TRAK1: variants seen among roughly 807,000 people sequenced by gnomAD.
TRAK1 encodes the protein trafficking kinesin protein 1.
TRAK1 carries 33 observed loss-of-function variants against 92.1 expected under a neutral mutation model. The ratio of observed to expected loss-of-function variants is 0.36; its 90% CI spans 0.27 to 0.48. The LOEUF is 0.48. Among genes scored for constraint, TRAK1 ranks in the 20% least tolerant of loss-of-function variants. The pLI, the probability that TRAK1 is intolerant of heterozygous loss-of-function variation, is 0.99. For missense variants in TRAK1, 1,123 were observed against 1,257.9 expected, an observed-to-expected ratio of 0.89 and a Z score of 1.62; for synonymous variants, 521 against 517.3, an observed-to-expected ratio of 1.01 and a Z score of -0.10.
At chr3:42,142,601 A>C (rs973201508) in intron 2 of TRAK1, among the ~76,000 whole-genome samples, 1 of 152,198 alleles carries the variant, frequency 6.6e-6, no homozygotes, top group Non-Finnish European at 1.5e-5. Context: ...GAGCCATCCT[A>C]CTTAGAGACA....
At chr3:42,028,481 A>T (rs1395241762) in intron 1 of TRAK1, among the ~76,000 whole-genome samples, 1 of 152,206 alleles carries the variant, frequency 6.6e-6, no homozygotes, top group Admixed American at 6.5e-5. Context: ...CCAATGTAGT[A>T]ATAGATGTAG....
chr3:42,209,079 G>A (rs3733051), intron 13 of TRAK1, among the ~76,000 whole-genome samples: 49,098 of 151,970 alleles, frequency 0.32, 8,241 homozygotes, highest in East Asian at 0.47. Context: ...GAGAAGATGG[G>A]CTCCCCTGCT....
intron 10 of TRAK1, among the ~76,000 whole-genome samples, chr3:42,197,037 CACGTT>C (rs1706813361): frequency 3.4e-5 from 5 of 145,992 alleles, no homozygotes; most frequent in Admixed American, 3.4e-4. Context: ...CACACACACA[CACGTT>C]GTTATATTGA....
chr3:42,107,287 G>A (rs1241523754), intron 1 of TRAK1, among the ~76,000 whole-genome samples: 10 of 152,114 alleles, frequency 6.6e-5, no homozygotes, highest in South Asian at 2.1e-4. Context: ...AGGCCAAGGC[G>A]GGCGGATCAT....
At chr3:42,017,008 C>G (rs1338719658) in intron 1 of TRAK1, among the ~76,000 whole-genome samples, 1 of 152,134 alleles carries the variant, frequency 6.6e-6, no homozygotes, top group African/African-American at 2.4e-5. Context: ...ACCTGTAATC[C>G]TAGCACTTTG....
intron 1 of TRAK1, among the ~76,000 whole-genome samples, chr3:42,097,916 T>G (rs1706171530): frequency 6.6e-6 from 1 of 152,238 alleles, no homozygotes; most frequent in South Asian, 2.1e-4. Context: ...CCTTGTAAAC[T>G]GCTGTGATAC....
intron 3 of TRAK1, among the ~76,000 whole-genome samples, chr3:42,180,530 A>C (rs1009325599): frequency 3.3e-5 from 5 of 152,084 alleles, no homozygotes; most frequent in Non-Finnish European, 7.3e-5. Flanking sequence ...CATTCCAAAA[A>C]TTAGATAGGC....
chr3:42,048,712 C>T (rs1167947764), intron 1 of TRAK1, among the ~76,000 whole-genome samples: 1 of 152,020 alleles, frequency 6.6e-6, no homozygotes, highest in Non-Finnish European at 1.5e-5. Context: ...CAGGCGCACA[C>T]CAGCACACCC....
rs760745873 is a variant in TRAK1, at chr3:42,184,709, G to A, written c.388G>A (p.Ala130Thr). 2.5e-6 allele frequency: 4 copies of A among 1,614,030 alleles called. No homozygotes were observed. The highest frequency in any genetic ancestry group is 1.3e-5 in the African/African-American group (1 of 75,040). ...GAAAGAGCGGGATTTAGAATTGGCC[G>A]CTCGCATCGGCCAGTCGTTGTTGAA... ...EEKERDLELA[A>T]RIGQSLLKKN... Residue 130 changes from alanine (A) to threonine (T), a missense_variant, in exon 4 of 16, where the codon GCT becomes ACT. This residue lies in a region of TRAK1 where 686 missense variants were observed against 747.6 expected (regional missense o/e 0.92). Transcript: ENST00000327628.
intron 1 of TRAK1, among the ~76,000 whole-genome samples, chr3:42,020,449 A>G (rs868274900): frequency 9.9e-5 from 15 of 152,178 alleles, no homozygotes; most frequent in African/African-American, 3.6e-4. Flanking sequence ...TTTGTCTGCA[A>G]TGTTCATCCA....
intron 2 of TRAK1, among the ~76,000 whole-genome samples, chr3:42,168,713 A>G (rs1702172534): frequency 6.6e-6 from 1 of 151,998 alleles, no homozygotes; most frequent in Admixed American, 6.6e-5. Flanking sequence ...AGCTAGGACT[A>G]TAGGCATGCC....
chr3:42,100,537 G>A (rs925523016), intron 1 of TRAK1, among the ~76,000 whole-genome samples: 4 of 152,136 alleles, frequency 2.6e-5, no homozygotes, highest in African/African-American at 4.8e-5. Context: ...TGTAAGGGAC[G>A]GTGTCATTAT....
chr3:42,067,368 T>C (rs1171780134), intron 1 of TRAK1, among the ~76,000 whole-genome samples: 2 of 152,218 alleles, frequency 1.3e-5, no homozygotes, highest in African/African-American at 2.4e-5. Flanking sequence ...GCTAAGTGGC[T>C]GTGTCCGGGC....
chr3:42,149,307 C>G, intron 2 of TRAK1: 1 of 1,412,934 alleles, frequency 7.1e-7, no homozygotes, highest in Non-Finnish European at 9.2e-7. Context: ...TGCAAATTGC[C>G]TTCCTTTCTG....
chr3:42,130,367 C>T (rs1697034501), intron 2 of TRAK1, among the ~76,000 whole-genome samples: 1 of 140,934 alleles, frequency 7.1e-6, no homozygotes, highest in Non-Finnish European at 1.5e-5. Context: ...GCAGACCACC[C>T]TCCCTGAGTT....
intron 1 of TRAK1, among the ~76,000 whole-genome samples, chr3:42,098,468 G>A (rs1035570100): frequency 1.3e-5 from 2 of 152,140 alleles, no homozygotes; most frequent in Admixed American, 6.6e-5. Context: ...TTATTAGCTG[G>A]AGTTAAATGG....
chr3:42,224,505 T>A lies in TRAK1; in HGVS notation c.*768T>A, dbSNP rs1462684057. On this transcript the variant is annotated 3_prime_UTR_variant, in exon 16 of 16. Transcript: ENST00000327628. ...GATTTGTTTTATTTTTCCTTTTTTT[T>A]ACATATATATGCAGGGAAGTAATGG... 6.0e-6 allele frequency: 1 copy of A among 168,054 alleles called. No individual in the cohort carries two copies. Among genetic ancestry groups the A allele is most frequent in the African/African-American group, 2.4e-5 (1 of 41,522 alleles). The allele number at this position is 168,054 out of a possible 1,614,324, so 10.4% of individuals were successfully genotyped here.
At chr3:42,058,955 A>G (rs1031030016) in intron 1 of TRAK1, among the ~76,000 whole-genome samples, 56 of 152,194 alleles carry the variant, frequency 3.7e-4, no homozygotes, top group African/African-American at 1.2e-3. Flanking sequence ...CTGTGCTGCA[A>G]TTTTTTTAAA....
intron 2 of TRAK1, among the ~76,000 whole-genome samples, chr3:42,132,466 T>C (rs113632077): frequency 0.03 from 4,526 of 152,020 alleles, 235 homozygotes; most frequent in African/African-American, 0.1. Flanking sequence ...GTTTTCACCA[T>C]GTTGCCCAGG....
Sources: gnomAD v4.1 joint callset for allele counts (sites outside exome capture counted in the v4.1 genomes callset) on GRCh38, gnomAD v4.1.1 for gene constraint, gnomAD v4.1.1 regional missense constraint, MANE v1.5 for transcripts, NCBI Gene and HGNC (gene_info 2026-07-23, HGNC 2026-07-21) for gene names.